Variants in BTBD9 observed in about 807,000 individuals in gnomAD.
The protein encoded by BTBD9 is BTB domain containing 9, also known as BTB/POZ domain-containing protein 9.
BTBD9 carries 49 observed loss-of-function variants against 64.3 expected under a neutral mutation model. The observed-to-expected ratio is 0.76, with a 90% CI of 0.61 to 0.97. The LOEUF (loss-of-function observed/expected upper bound fraction) is 0.97. BTBD9 is among the 50% of genes least tolerant of loss of function. BTBD9 has a pLI of 0.00. For missense variants in BTBD9, 598 were observed against 762.1 expected, an observed-to-expected ratio of 0.78 and a Z score of 2.53; for synonymous variants, 260 against 274.7, an observed-to-expected ratio of 0.95 and a Z score of 0.53.
intron 8 of BTBD9, among the ~76,000 whole-genome samples, chr6:38,267,724 G>C (rs1254254716): frequency 6.6e-6 from 1 of 152,188 alleles, no homozygotes; most frequent in Non-Finnish European, 1.5e-5. Context: ...TGGATCACGA[G>C]GTCAGGAGAT....
Position 38,607,769 on chromosome 6 carries a change from C to CAA in BTBD9, c.-27-9650_-27-9649dup, listed in dbSNP as rs5875633. On this transcript the variant is annotated intron_variant, in intron 1 of 10. Coordinates refer to ENST00000481247, the MANE Select transcript of BTBD9 (RefSeq NM_001099272.2). ...TCACAAAATATCAAGACTCCCAAGG[C>CAA]AAAAAAAAAAAGGCTCAATTTATAA... Among the ~76,000 whole-genome samples, 965 of 144,476 alleles carry CAA rather than the reference C, an allele frequency of 6.7e-3. 22 individuals are homozygous for CAA. Among genetic ancestry groups the CAA allele is most frequent in the African/African-American group, 0.021 (853 of 40,084 alleles). 94.8% of individuals were successfully genotyped at this position (144,476 alleles called of 152,430 possible).
At chr6:38,352,586 T>C (rs2127593601) in intron 6 of BTBD9, among the ~76,000 whole-genome samples, 1 of 152,222 alleles carries the variant, frequency 6.6e-6, no homozygotes, top group South Asian at 2.1e-4. Flanking sequence ...CATTAGATAA[T>C]ACAAATGGGG....
intron 8 of BTBD9, among the ~76,000 whole-genome samples, chr6:38,267,085 G>C (rs985933621): frequency 6.6e-6 from 1 of 152,230 alleles, no homozygotes; most frequent in Non-Finnish European, 1.5e-5. Context: ...GATCAGAAAA[G>C]GATGTGTGAG....
chr6:38,607,880 C>T (rs1215841268), intron 1 of BTBD9, among the ~76,000 whole-genome samples: 1 of 151,914 alleles, frequency 6.6e-6, no homozygotes, highest in Non-Finnish European at 1.5e-5. Context: ...TCCCAAGTAA[C>T]TATGAAAAAA....
chr6:38,632,303 C>T (rs1445461345), intron 1 of BTBD9, among the ~76,000 whole-genome samples: 1 of 152,134 alleles, frequency 6.6e-6, no homozygotes, highest in Non-Finnish European at 1.5e-5. Context: ...TAGTTACAGT[C>T]TATATTTCCA....
intron 6 of BTBD9, among the ~76,000 whole-genome samples, chr6:38,377,609 C>A (rs1160667476): frequency 1.3e-5 from 2 of 152,182 alleles, no homozygotes; most frequent in Non-Finnish European, 2.9e-5. Context: ...GACACCCACA[C>A]ATACCTTCAT....
At chr6:38,280,898 T>C (rs1190165738) in intron 8 of BTBD9, among the ~76,000 whole-genome samples, 2 of 152,214 alleles carry the variant, frequency 1.3e-5, no homozygotes, top group Non-Finnish European at 2.9e-5. Context: ...GTTTAGTCAA[T>C]GAGTGTTTAT....
chr6:38,374,309 A>ATATATATATATATATATG (rs1765581584), intron 6 of BTBD9, among the ~76,000 whole-genome samples: 1 of 105,692 alleles, frequency 9.5e-6, no homozygotes, highest in Non-Finnish European at 1.9e-5. Context: ...ATATATATGT[A>ATATATATATATATATATG]TATATATATA....
At position 38,348,262 on chromosome 6, in the gene BTBD9, A is replaced by G. The variant is rs139839523; in HGVS notation, c.1155-3169T>C. ...ACAAAACAAAACTTGGTTCTCGGTCATAACACCAAAACGGGAGAAGTAGGT... is the reference window on the plus strand; with the variant it reads ...ACAAAACAAAACTTGGTTCTCGGTCGTAACACCAAAACGGGAGAAGTAGGT... On this transcript the variant is annotated intron_variant, in intron 6 of 10. Transcript: ENST00000481247. Among the ~76,000 whole-genome samples the G allele has an allele frequency of 2.7e-3, 413 of 152,354 alleles. 2 individuals carry two copies. Among genetic ancestry groups the G allele is most frequent in the African/African-American group, 9.5e-3 (394 of 41,578 alleles).
chr6:38,266,497 C>T (rs112920101), intron 8 of BTBD9, among the ~76,000 whole-genome samples: 2,345 of 151,724 alleles, frequency 0.015, 47 homozygotes, highest in African/African-American at 0.053. Context: ...CACTTGGACC[C>T]GAGAGAAGGG....
intron 7 of BTBD9, among the ~76,000 whole-genome samples, chr6:38,335,526 T>G (rs1763858480): frequency 6.6e-6 from 1 of 152,128 alleles, no homozygotes; most frequent in Non-Finnish European, 1.5e-5. Context: ...CTGCTGAGAT[T>G]ACAGGCGTGA....
At chr6:38,474,705 G>GT (rs762569328) in intron 6 of BTBD9, among the ~76,000 whole-genome samples, 1 of 152,000 alleles carries the variant, frequency 6.6e-6, no homozygotes, top group Non-Finnish European at 1.5e-5. Flanking sequence ...TTTTTTAATA[G>GT]TATTTCCACT....
At chr6:38,287,163 CAAT>C (rs1305816925) in intron 8 of BTBD9, among the ~76,000 whole-genome samples, 1 of 134,032 alleles carries the variant, frequency 7.5e-6, no homozygotes, top group Non-Finnish European at 1.5e-5. Context: ...CCTAAATGTA[CAAT>C]GTTTAAAAGT....
At chr6:38,505,890 G>C (rs976131553) in intron 6 of BTBD9, among the ~76,000 whole-genome samples, 3 of 146,572 alleles carry the variant, frequency 2.0e-5, no homozygotes, top group African/African-American at 7.5e-5. Context: ...ACTGGAACCC[G>C]GGAGGCAGAG....
chr6:38,443,129 A>G (rs1769116734), intron 6 of BTBD9, among the ~76,000 whole-genome samples: 1 of 152,180 alleles, frequency 6.6e-6, no homozygotes, highest in African/African-American at 2.4e-5. Context: ...AACACAATGG[A>G]CCACATGAAC....
At chr6:38,545,971 C>T (rs1774538239) in intron 6 of BTBD9, among the ~76,000 whole-genome samples, 1 of 151,500 alleles carries the variant, frequency 6.6e-6, no homozygotes, top group Non-Finnish European at 1.5e-5. Flanking sequence ...TATCAAGCCA[C>T]TGCAATAATC....
chr6:38,357,863 C>T (rs1764792475), intron 6 of BTBD9, among the ~76,000 whole-genome samples: 1 of 152,166 alleles, frequency 6.6e-6, no homozygotes, highest in African/African-American at 2.4e-5. Flanking sequence ...TCTACCAGGT[C>T]TTCAAATGGC....
At chr6:38,568,611 G>C (rs1435897767) in intron 6 of BTBD9, among the ~76,000 whole-genome samples, 1 of 152,186 alleles carries the variant, frequency 6.6e-6, no homozygotes, top group Non-Finnish European at 1.5e-5. Flanking sequence ...TGTTGGGAGA[G>C]TTGCAGTACA....
chr6:38,597,827 G>T, intron 2 of BTBD9, 83 bp downstream of exon 2: 2 of 1,129,974 alleles, frequency 1.8e-6, no homozygotes, highest in Non-Finnish European at 1.3e-6. Context: ...CATTATACTT[G>T]GTTATATATT....
Sources: gnomAD v4.1 joint callset for allele counts (sites outside exome capture counted in the v4.1 genomes callset) on GRCh38, gnomAD v4.1.1 for gene constraint, MANE v1.5 for transcripts, NCBI Gene and HGNC (gene_info 2026-07-23, HGNC 2026-07-21) for gene names.